OXR1: variants seen among roughly 807,000 people sequenced by gnomAD.
OXR1 encodes oxidation resistance 1.
A neutral mutation model predicts 104.6 loss-of-function variants in OXR1; 41 were observed. The ratio of observed to expected loss-of-function variants is 0.39; its 90% CI spans 0.31 to 0.51. OXR1 has a LOEUF of 0.51. OXR1 is among the 20% of genes least tolerant of loss of function. OXR1 has a pLI of 0.77. For synonymous variants in OXR1, 348 were observed against 348.4 expected, an observed-to-expected ratio of 1.00 and a Z score of 0.01; for missense variants, 955 against 1,031.9, an observed-to-expected ratio of 0.93 and a Z score of 1.02.
chr8:106,551,858 A>ATGTGTGTGTGTG (rs1428718280), intron 3 of OXR1, among the ~76,000 whole-genome samples: 3 of 94,242 alleles, frequency 3.2e-5, no homozygotes, highest in Non-Finnish European at 6.5e-5. Context: ...ATGTGTATAT[A>ATGTGTGTGTGTG]TATGTGTGTG....
At chr8:106,742,122 T>TTTCTA (rs1834969839) in intron 14 of OXR1, 100 bp from the exon 15 acceptor site, 5 of 714,856 alleles carry the variant, frequency 7.0e-6, no homozygotes, top group East Asian at 5.6e-5. Flanking sequence ...CTATACCAGA[T>TTTCTA]TTCTATTTTT....
intron 2 of OXR1, among the ~76,000 whole-genome samples, chr8:106,396,506 A>G (rs939253055): frequency 2.6e-5 from 4 of 152,130 alleles, no homozygotes; most frequent in Non-Finnish European, 5.9e-5. Context: ...CTTGACAAAT[A>G]TTATTAAAAC....
chr8:106,550,154 T>C (rs939951437), intron 3 of OXR1, among the ~76,000 whole-genome samples: 1 of 152,224 alleles, frequency 6.6e-6, no homozygotes, highest in Non-Finnish European at 1.5e-5. Flanking sequence ...TTCAGTCACC[T>C]GTGGTGTTAA....
chr8:106,593,553 C>T (rs999715029), intron 3 of OXR1, among the ~76,000 whole-genome samples: 20 of 152,096 alleles, frequency 1.3e-4, no homozygotes, highest in African/African-American at 4.6e-4. Flanking sequence ...CCAAGGCGGG[C>T]GGATCATGAG....
chr8:106,650,933 T>G (rs1391356072), intron 3 of OXR1, among the ~76,000 whole-genome samples: 5 of 152,250 alleles, frequency 3.3e-5, no homozygotes, highest in African/African-American at 1.2e-4. Context: ...AGACATGTCA[T>G]ATTGTATTTA....
intron 1 of OXR1, among the ~76,000 whole-genome samples, chr8:106,322,515 A>G (rs962618133): frequency 2.0e-5 from 3 of 152,138 alleles, no homozygotes; most frequent in Non-Finnish European, 4.4e-5. Context: ...TATCCAACAC[A>G]GTATTGGAAG....
chr8:106,322,838 A>C (rs1814282772), intron 1 of OXR1, among the ~76,000 whole-genome samples: 1 of 152,178 alleles, frequency 6.6e-6, no homozygotes, highest in African/African-American at 2.4e-5. Flanking sequence ...GAGAGGTGAA[A>C]GATCTCTACA....
chr8:106,460,241 A>G (rs1820828867), intron 2 of OXR1, among the ~76,000 whole-genome samples: 1 of 152,190 alleles, frequency 6.6e-6, no homozygotes, highest in Non-Finnish European at 1.5e-5. Flanking sequence ...CTTTACACCT[A>G]GAAATATCTG....
chr8:106,742,397 T>C (rs1358506945), intron 15 of OXR1, 80 bp downstream of exon 15: 13 of 758,406 alleles, frequency 1.7e-5, no homozygotes, highest in Non-Finnish European at 1.8e-5. Context: ...GATTCAGTGC[T>C]ATTCCCATTA....
rs905800844 is a variant in OXR1, at chr8:106,750,972, G to A, written c.*31G>A. 4.3e-5 allele frequency: 66 copies of A among 1,551,468 alleles called. No individual in the cohort carries two copies. The highest frequency in any genetic ancestry group is 5.8e-5 in the Non-Finnish European group (66 of 1,146,994). ...ATGCTCTCTGTCTTAGCAGGAGAAT[G>A]GCCCAAACCTGACATGGACAAGCAT... On this transcript the variant is annotated 3_prime_UTR_variant, in exon 17 of 17. Transcript: ENST00000517566.
Position 106,573,815 on chromosome 8 carries a change from C to A in OXR1, c.220+54676C>A, listed in dbSNP as rs568945680. 9.2e-5 allele frequency among the ~76,000 whole-genome samples: 14 copies of A among 152,228 alleles called. No individual in the cohort carries two copies. The South Asian group carries it at 2.9e-3, about 32-fold the overall frequency. On this transcript the variant is annotated intron_variant, in intron 3 of 16. Transcript: ENST00000517566. ...GACACTAGAATGGGAAACCATGTAA[C>A]CTAAAAGTATTCACAACATTTTCTC...
At chr8:106,728,795 A>T (rs993357416) in intron 11 of OXR1, among the ~76,000 whole-genome samples, 3 of 152,174 alleles carry the variant, frequency 2.0e-5, no homozygotes, top group Non-Finnish European at 4.4e-5. Flanking sequence ...CCCATTTTAT[A>T]ATAAGGATTT....
chr8:106,704,225 G>A (rs2126579), intron 8 of OXR1, among the ~76,000 whole-genome samples: 45,144 of 151,510 alleles, frequency 0.3, 8,724 homozygotes, highest in African/African-American at 0.55. Flanking sequence ...CAGCAAATAA[G>A]GATTATTGGG....
intron 2 of OXR1, among the ~76,000 whole-genome samples, chr8:106,510,948 CA>C (rs932479274): frequency 6.6e-6 from 1 of 152,134 alleles, no homozygotes; most frequent in Non-Finnish European, 1.5e-5. Context: ...TTTGGAATTG[CA>C]AAAGTAGATT....
chr8:106,441,719 C>A (rs1367735213), intron 2 of OXR1, among the ~76,000 whole-genome samples: 1 of 151,868 alleles, frequency 6.6e-6, no homozygotes, highest in Non-Finnish European at 1.5e-5. Context: ...TCTCTGCCTG[C>A]CAATTGTTGG....
chr8:106,341,023 T>C (rs1815224651), intron 1 of OXR1, among the ~76,000 whole-genome samples: 2 of 152,160 alleles, frequency 1.3e-5, no homozygotes, highest in Admixed American at 1.3e-4. Context: ...AAGCCCAAGC[T>C]TGAACAGCTT....
chr8:106,569,158 T>A (rs185535765), intron 3 of OXR1, among the ~76,000 whole-genome samples: 5 of 152,116 alleles, frequency 3.3e-5, no homozygotes, highest in African/African-American at 9.7e-5. Context: ...AAAACTTAAT[T>A]TATTTCCTAC....
intron 1 of OXR1, among the ~76,000 whole-genome samples, chr8:106,339,543 T>A (rs1256720312): frequency 5.1e-5 from 5 of 98,350 alleles, no homozygotes; most frequent in African/African-American, 2.0e-4. Context: ...TATATATATA[T>A]ATATATATAT....
At chr8:106,733,666 G>T (rs1467119446) in intron 11 of OXR1, among the ~76,000 whole-genome samples, 1 of 151,398 alleles carries the variant, frequency 6.6e-6, no homozygotes, top group Non-Finnish European at 1.5e-5. Context: ...AATTAGCCGT[G>T]CGTGGTGGCA....
Sources: gnomAD v4.1 joint callset for allele counts (sites outside exome capture counted in the v4.1 genomes callset) on GRCh38, gnomAD v4.1.1 for gene constraint, MANE v1.5 for transcripts, NCBI Gene and HGNC (gene_info 2026-07-23, HGNC 2026-07-21) for gene names.